The following SFSWAP variants were observed in gnomAD, a reference collection of about 807,000 sequenced individuals.
SFSWAP encodes the protein splicing factor SWAP.
In SFSWAP, 17 loss-of-function variants were observed where a neutral mutation model predicts 100.7. The ratio of observed to expected loss-of-function variants is 0.17; its 90% CI spans 0.12 to 0.25. SFSWAP has a LOEUF of 0.25. Ranked by LOEUF, SFSWAP falls within the 10% of genes least tolerant of loss-of-function variation. The probability of loss-of-function intolerance (pLI) is 1.00; values close to 1 mark genes in which losing one functional copy is unlikely to be tolerated. For missense variants in SFSWAP, 1,005 were observed against 1,262.6 expected (o/e 0.80, Z 3.09); for synonymous variants, 504 against 510.1 (o/e 0.99, Z 0.16).
At chr12:131,759,941 C>T (rs1441648661) in intron 11 of SFSWAP, among the ~76,000 whole-genome samples, 3 of 152,076 alleles carry the variant, frequency 2.0e-5, no homozygotes, top group South Asian at 2.1e-4. Context: ...TCTCAGATGC[C>T]GAGAAAGCAG....
intron 14 of SFSWAP, chr12:131,783,544 C>T (rs1321235151): frequency 6.6e-6 from 1 of 151,366 alleles, no homozygotes; most frequent in Non-Finnish European, 1.5e-5. Context: ...ATAATCCCAG[C>T]ACTTTGGGAG....
rs767821437 is a variant in SFSWAP at position 131,711,412 on chromosome 12, C to T, written c.183C>T (p.Ile61=). The change falls in exon 1 of 18, where the codon ATC becomes ATT. Residue 61 remains isoleucine (I), a synonymous_variant. Transcript: ENST00000261674. This position sits in a 1 kb window ranked among gnomAD's most constrained non-coding sequence, Gnocchi z 4.9. Reference sequence around the variant, plus strand: ...CTCAGGAACAGGGACAGCACCTCATCCCCTGGATGGGGGACCACAAGATCC... The same window carrying T: ...CTCAGGAACAGGGACAGCACCTCATTCCCTGGATGGGGGACCACAAGATCC... ...ALAQEQGQHL[I]PWMGDHKILI... is the part of the protein sequence containing the mutation. The T allele has an allele frequency of 3.7e-6, 6 of 1,613,736 alleles. No homozygotes were observed. The highest frequency in any genetic ancestry group is 2.2e-5 in the East Asian group (1 of 44,872).
intron 7 of SFSWAP, among the ~76,000 whole-genome samples, chr12:131,750,267 G>A (rs148675253): frequency 1.7e-4 from 26 of 152,344 alleles, no homozygotes; most frequent in East Asian, 1.2e-3. Context: ...GTTGGTTCCC[G>A]GGCTGCCTCC....
At chr12:131,796,234 C>G (rs547204891) in intron 15 of SFSWAP, 2 of 152,326 alleles carry the variant, frequency 1.3e-5, no homozygotes, top group South Asian at 4.1e-4. Context: ...ACAGGAAGGG[C>G]TCAGGCCTGT....
At chr12:131,715,037 C>A in intron 3 of SFSWAP, 84 bp downstream of exon 3, 1 of 1,416,388 alleles carries the variant, frequency 7.1e-7, no homozygotes, top group Non-Finnish European at 9.9e-7. Context: ...GTCTGCAGAA[C>A]ACATCTCTGG....
intron 13 of SFSWAP, among the ~76,000 whole-genome samples, chr12:131,774,923 C>CA (rs1053055945): frequency 2.5e-4 from 36 of 145,952 alleles, no homozygotes; most frequent in Admixed American, 8.8e-4. Context: ...AGGATAAAGG[C>CA]AAAAAAAAAA....
intron 13 of SFSWAP, among the ~76,000 whole-genome samples, chr12:131,775,719 A>G (rs973792013): frequency 2.6e-5 from 4 of 152,146 alleles, no homozygotes; most frequent in Non-Finnish European, 4.4e-5. Flanking sequence ...AATCCTGACT[A>G]ATGCCAGAGT....
At chr12:131,721,114 C>T (rs530893283) in intron 4 of SFSWAP, among the ~76,000 whole-genome samples, 16 of 152,266 alleles carry the variant, frequency 1.1e-4, no homozygotes, top group African/African-American at 3.6e-4. Context: ...ATGACCAGAT[C>T]TTACGACAGC....
intron 13 of SFSWAP, among the ~76,000 whole-genome samples, chr12:131,773,366 G>A (rs1184532470): frequency 2.6e-5 from 4 of 151,988 alleles, no homozygotes; most frequent in Non-Finnish European, 5.9e-5. Flanking sequence ...TTTTGAGAGA[G>A]TCTCACTCTG....
At chr12:131,793,934 C>T (rs1433769298) in intron 15 of SFSWAP, among the ~76,000 whole-genome samples, 1 of 152,034 alleles carries the variant, frequency 6.6e-6, no homozygotes, top group Non-Finnish European at 1.5e-5. Context: ...ACGGGCCCAG[C>T]GGCTGCGCTC....
intron 4 of SFSWAP, among the ~76,000 whole-genome samples, chr12:131,722,809 C>G (rs530773401): frequency 6.6e-6 from 1 of 152,020 alleles, no homozygotes; most frequent in African/African-American, 2.4e-5. Context: ...ATTAGCCAGG[C>G]GTGGTGGTAC....
intron 11 of SFSWAP, among the ~76,000 whole-genome samples, chr12:131,760,991 GA>G (rs902900590): frequency 1.1e-4 from 17 of 152,344 alleles, no homozygotes; most frequent in African/African-American, 4.1e-4. Context: ...AGAATCGCTT[GA>G]AACTGGAAGG....
At chr12:131,752,253 C>T (rs969654593) in intron 7 of SFSWAP, among the ~76,000 whole-genome samples, 3 of 152,100 alleles carry the variant, frequency 2.0e-5, no homozygotes, top group Non-Finnish European at 4.4e-5. Context: ...ATATTTTTGC[C>T]ATCTCCTAAT....
rs1167933952 is a variant in SFSWAP at position 131,756,889 on chromosome 12, A to G, written c.1720+245A>G. 8 of 441,088 alleles carry G rather than the reference A, an allele frequency of 1.8e-5. 1 individual carries two copies. Among genetic ancestry groups the G allele is most frequent in the Non-Finnish European group, 3.2e-5 (8 of 249,104 alleles). 27.3% of individuals were successfully genotyped at this position (441,088 alleles called of 1,614,324 possible). A position where few individuals can be genotyped will look rare whatever the true frequency, so the allele number is the denominator to read the frequency against. Reference sequence around the variant, plus strand: ...GTCTGTTTAACAGTCTGTTCAGTGTACTGGACATTTGTACAGAAAGTTTCA... The same window carrying G: ...GTCTGTTTAACAGTCTGTTCAGTGTGCTGGACATTTGTACAGAAAGTTTCA... On this transcript the variant is annotated intron_variant, in intron 11 of 17. Coordinates refer to ENST00000261674, the MANE Select transcript of SFSWAP (RefSeq NM_004592.4).
At chr12:131,727,122 T>C (rs1646894422) in intron 6 of SFSWAP, 70 bp downstream of exon 6, 2 of 843,858 alleles carry the variant, frequency 2.4e-6, no homozygotes, top group East Asian at 5.0e-5. Context: ...TTTTGGAAAA[T>C]TTGAAGCATG....
At position 131,725,360 on chromosome 12, in the gene SFSWAP, A is replaced by C. The variant is rs1878856204; in HGVS notation, c.607-45A>C. Reference sequence around the variant, plus strand: ...TTTAATGAAATCACGTGGCCGGTGGACAAGAGGACAAATGGGTGACGTGAA... The same window carrying C: ...TTTAATGAAATCACGTGGCCGGTGGCCAAGAGGACAAATGGGTGACGTGAA... On this transcript the variant is annotated intron_variant, in intron 4 of 17. Transcript: ENST00000261674. This position sits in a 1 kb window ranked among gnomAD's most constrained non-coding sequence, Gnocchi z 4.3. 1 of 1,485,622 alleles carries C rather than the reference A, an allele frequency of 6.7e-7. No individual in the cohort carries two copies. The highest frequency in any genetic ancestry group is 1.7e-5 in the Admixed American group (1 of 59,098). The allele number at this position is 1,485,622 out of a possible 1,614,324, so 92.0% of individuals were successfully genotyped here. A position where few individuals can be genotyped will look rare whatever the true frequency, so the allele number is the denominator to read the frequency against.
At position 131,733,268 on chromosome 12, in the gene SFSWAP, G is replaced by T. The variant is rs1180790074; in HGVS notation, c.1081+4840G>T. Among the ~76,000 whole-genome samples the T allele has an allele frequency of 1.3e-5, 2 of 152,152 alleles. No individual in the cohort carries two copies. Among genetic ancestry groups the T allele is most frequent in the Non-Finnish European group, 2.9e-5 (2 of 68,034 alleles). On this transcript the variant is annotated intron_variant, in intron 7 of 17. Transcript: ENST00000261674. This position sits in a 1 kb window ranked among gnomAD's most constrained non-coding sequence, Gnocchi z 5.1. ...CTCACCCTGCCCTGTGAGAACTTTC[G>T]TATGTGTGTCTCTGCCATCTCCTCC...
intron 11 of SFSWAP, among the ~76,000 whole-genome samples, chr12:131,758,604 A>G (rs992659663): frequency 1.3e-5 from 2 of 152,224 alleles, no homozygotes; most frequent in Non-Finnish European, 2.9e-5. Context: ...TACAAAATGG[A>G]AAATATTATA....
rs1276075365 is a variant in SFSWAP, at chr12:131,781,246, T to A, written c.2408+2916T>A. On this transcript the variant is annotated intron_variant, in intron 14 of 17. Transcript: ENST00000261674. ...AATATATCTTATTATTTTTTTTTTT[T>A]TTTTTTTTTTTGAGACAGAGTCTCG... 1.4e-3 allele frequency among the ~76,000 whole-genome samples: 203 copies of A among 145,766 alleles called. 1 individual carries two copies. The highest frequency in any genetic ancestry group is 4.2e-3 in the African/African-American group (162 of 38,808).
Sources: gnomAD v4.1 joint callset for allele counts (sites outside exome capture counted in the v4.1 genomes callset) on GRCh38, gnomAD v4.1.1 for gene constraint, Gnocchi (gnomAD v3.1) non-coding constraint, MANE v1.5 for transcripts, NCBI Gene and HGNC (gene_info 2026-07-23, HGNC 2026-07-21) for gene names.